The following MADD variants were observed in gnomAD, a reference collection of about 807,000 sequenced individuals.
The protein encoded by MADD is MAP kinase activating death domain, also known as MAP kinase-activating death domain protein.
A neutral mutation model predicts 176.7 loss-of-function variants in MADD; 109 were observed. That is an observed-to-expected ratio of 0.62 (90% CI 0.53 to 0.72). The LOEUF is 0.72. MADD is among the 30% of genes least tolerant of loss of function. MADD has a pLI of 0.00. For synonymous variants in MADD, 771 were observed against 771.3 expected, an observed-to-expected ratio of 1.00 and a Z score of 0.01; for missense variants, 1,914 against 2,045.5, an observed-to-expected ratio of 0.94 and a Z score of 1.24.
intron 19 of MADD, among the ~76,000 whole-genome samples, chr11:47,293,057 T>G (rs1405778146): frequency 6.6e-6 from 1 of 151,488 alleles, no homozygotes; most frequent in Non-Finnish European, 1.5e-5. Context: ...CCATTGTGGG[T>G]GGGTGGGGGA....
chr11:47,308,439 C>T, intron 22 of MADD, 152 bp from the exon 25 acceptor site: 1 of 563,526 alleles, frequency 1.8e-6, no homozygotes, highest in Non-Finnish European at 3.2e-6. Context: ...TAACAGAAAG[C>T]AGCGTAAGTG....
In MADD at chr11:47,281,766, C is replaced by T. The variant is rs1251899202; in HGVS notation, c.1469+13C>T. 7.0e-6 allele frequency: 11 copies of T among 1,576,100 alleles called. No homozygotes were observed. Among genetic ancestry groups the T allele is most frequent in the East Asian group, 4.6e-5 (2 of 43,530 alleles). ...ATGTTGCAACCAGGTAAGACCAAGC[C>T]GACTGTATAATCACAAGTTCTTAAA... On this transcript the variant is annotated intron_variant, in intron 8 of 32. Coordinates refer to ENST00000402192, the Ensembl canonical transcript of MADD.
exon 33 of MADD, chr11:47,329,184 G>A: frequency 6.5e-7 from 1 of 1,530,048 alleles, no homozygotes. Context: ...CCAGCCCAGG[G>A]CACGCCCCTG....
chr11:47,300,581 T>C (rs2076991029), intron 22 of MADD, among the ~76,000 whole-genome samples: 1 of 151,758 alleles, frequency 6.6e-6, no homozygotes, highest in Non-Finnish European at 1.5e-5. Flanking sequence ...CACTGCAACC[T>C]CTGCCTCCCA....
chr11:47,290,616 A>G, exon 19 of MADD: 1 of 1,613,144 alleles, frequency 6.2e-7, no homozygotes, highest in Non-Finnish European at 8.5e-7. Flanking sequence ...TCAGAACCAG[A>G]CAAGCGGAAG....
chr11:47,298,129 A>G (rs192417093), intron 22 of MADD, among the ~76,000 whole-genome samples: 132 of 152,246 alleles, frequency 8.7e-4, no homozygotes, highest in African/African-American at 3.2e-3. Context: ...AAATCTAACC[A>G]TGGATCGTAA....
At chr11:47,282,411 C>T (rs1442716019) in exon 9 of MADD, 3 of 1,614,144 alleles carry the variant, frequency 1.9e-6, no homozygotes, top group South Asian at 2.2e-5. Context: ...TCAATTCCGC[C>T]AACGTGCTGC....
chr11:47,290,654 C>T (rs765957900), exon 19 of MADD: 10 of 1,614,114 alleles, frequency 6.2e-6, no homozygotes, highest in South Asian at 1.1e-5. Context: ...TGTAAATACC[C>T]CAGTTGGCAA....
rs766513777 is a variant in MADD at position 47,295,509 on chromosome 11, ACT to A, written c.3419_3420del (p.Ser1140CysfsTer18). On this transcript the variant is annotated frameshift_variant, in exon 21 of 33. Transcript: ENST00000402192. LOFTEE classifies it high-confidence loss of function. ...GTCTTGTTTCAGAGGACTGATCAAG[ACT>A]CTGTCATCGGCGTGAGTCCAGCTGT... is the stretch of plus-strand genomic sequence containing the variant. 1.9e-6 allele frequency: 3 copies of A among 1,613,208 alleles called. No individual in the cohort carries two copies. The highest frequency in any genetic ancestry group is 2.5e-6 in the Non-Finnish European group (3 of 1,179,790).
At chr11:47,276,813 A>G in exon 5 of MADD, 4 of 1,614,140 alleles carry the variant, frequency 2.5e-6, no homozygotes, top group Non-Finnish European at 3.4e-6. Flanking sequence ...ACTGGAGTAT[A>G]TGTTTCCTGT....
chr11:47,284,543 CTG>C lies in MADD; in HGVS notation c.2137_2138del (p.Val713HisfsTer7). The C allele has an allele frequency of 6.2e-7, 1 of 1,614,022 alleles. No individual in the cohort carries two copies. The highest frequency in any genetic ancestry group is 8.5e-7 in the Non-Finnish European group (1 of 1,179,956). ...ACCACAGCCAGCAGCAGCCCCAGCA[CTG>C]TCATCCACGGAGCCAACTCTGTAAG... is the stretch of plus-strand genomic sequence containing the variant. On this transcript the variant is annotated frameshift_variant, in exon 12 of 33. Transcript: ENST00000402192. LOFTEE classifies it high-confidence loss of function.
intron 26 of MADD, among the ~76,000 whole-genome samples, chr11:47,314,048 G>A (rs189939262): frequency 6.6e-6 from 1 of 151,734 alleles, no homozygotes; most frequent in East Asian, 1.9e-4. Flanking sequence ...GTGAGCCACC[G>A]CGCCCAGCCA....
At chr11:47,298,239 G>A (rs2074700747) in intron 22 of MADD, among the ~76,000 whole-genome samples, 1 of 152,220 alleles carries the variant, frequency 6.6e-6, no homozygotes, top group Non-Finnish European at 1.5e-5. Context: ...AGGAGCCAGA[G>A]TAATAGGAAA....
At position 47,274,412 on chromosome 11, in the gene MADD, A is replaced by G; in HGVS notation, c.63-151A>G. On this transcript the variant is annotated intron_variant, in intron 2 of 32. Transcript: ENST00000402192. ...AGACTTCACTTAGGTTACCAGCTCC[A>G]TGCGGCAGGCAGCACCCATATTTTC... 7.1e-6 allele frequency: 5 copies of G among 699,538 alleles called. No individual in the cohort carries two copies. The Admixed American group carries it at 9.4e-5, about 13-fold the overall frequency. The allele number at this position is 699,538 out of a possible 1,614,324, so 43.3% of individuals were successfully genotyped here. A position where few individuals can be genotyped will look rare whatever the true frequency, so the allele number is the denominator to read the frequency against.
At chr11:47,324,185 C>G in intron 28 of MADD, 80 bp from the exon 32 acceptor site, 1 of 1,302,602 alleles carries the variant, frequency 7.7e-7, no homozygotes, top group Non-Finnish European at 1.1e-6. Context: ...AACCTCCAGC[C>G]TTCAGTGGCC....
chr11:47,326,714 C>G (rs2095491259), intron 30 of MADD, 24 bp from the exon 35 acceptor site: 2 of 1,612,590 alleles, frequency 1.2e-6, no homozygotes, highest in Non-Finnish European at 1.7e-6. Flanking sequence ...GGGCCTTACC[C>G]CGGCCTCCCT....
intron 10 of MADD, 46 bp from the exon 11 acceptor site, chr11:47,284,132 C>G: frequency 7.7e-7 from 1 of 1,302,850 alleles, no homozygotes. Context: ...GGTGTTCTCC[C>G]TGCCCCTTTC....
At chr11:47,302,389 T>C (rs2078523219) in intron 22 of MADD, among the ~76,000 whole-genome samples, 1 of 152,182 alleles carries the variant, frequency 6.6e-6, no homozygotes, top group Non-Finnish European at 1.5e-5. Flanking sequence ...AATTTTTGTA[T>C]TTTTAGTAAA....
At chr11:47,299,270 T>C (rs745384678) in intron 22 of MADD, among the ~76,000 whole-genome samples, 6 of 152,098 alleles carry the variant, frequency 3.9e-5, no homozygotes, top group Non-Finnish European at 8.8e-5. Flanking sequence ...GTATGGTCAT[T>C]TTCACAATAT....
Sources: allele counts gnomAD v4.1 joint callset (sites outside exome capture counted in the v4.1 genomes callset), GRCh38; gene constraint gnomAD v4.1.1; transcripts MANE v1.5; gene names NCBI Gene and HGNC (gene_info 2026-07-23, HGNC 2026-07-21).